The following SLC2A13 variants were observed in gnomAD, a reference collection of about 807,000 sequenced individuals.
SLC2A13 encodes the protein solute carrier family 2 member 13, also known as proton myo-inositol cotransporter.
SLC2A13 carries 32 observed loss-of-function variants against 64.4 expected under a neutral mutation model. The ratio of observed to expected loss-of-function variants is 0.50; its 90% confidence interval spans 0.37 to 0.67. The LOEUF is 0.67. SLC2A13 is among the 30% of genes least tolerant of loss of function. SLC2A13 has a pLI of 0.00. For missense variants in SLC2A13, 743 were observed against 829.2 expected (o/e 0.90, Z 1.28); for synonymous variants, 338 against 327.1 (o/e 1.03, Z -0.36).
intron 4 of SLC2A13, among the ~76,000 whole-genome samples, chr12:39,872,270 G>A (rs1944077319): frequency 6.6e-6 from 1 of 152,166 alleles, no homozygotes. Flanking sequence ...CACTAAAACT[G>A]TATCACTTTA....
rs369705368 is a variant in SLC2A13 at position 39,795,733 on chromosome 12, CAT to C, written c.1446-30877_1446-30876del. ...CTAGAAGTTTTATGGGCACGGGAAA[CAT>C]AAAGTCAGGCCACATAAGGGCTGAC... is the stretch of plus-strand genomic sequence containing the variant. On this transcript the variant is annotated intron_variant, in intron 7 of 9. Transcript: ENST00000280871. 2.2e-3 allele frequency among the ~76,000 whole-genome samples: 336 copies of C among 152,280 alleles called. 1 individual carries two copies. The highest frequency in any genetic ancestry group is 7.7e-3 in the African/African-American group (320 of 41,552).
chr12:40,038,345 CA>C (rs1416287868), intron 2 of SLC2A13, among the ~76,000 whole-genome samples: 4 of 152,138 alleles, frequency 2.6e-5, no homozygotes, highest in Non-Finnish European at 5.9e-5. Context: ...CTGCTGTGGT[CA>C]GGGGGCATAT....
At chr12:39,813,367 G>A (rs1269977902) in intron 7 of SLC2A13, among the ~76,000 whole-genome samples, 1 of 151,898 alleles carries the variant, frequency 6.6e-6, no homozygotes, top group Non-Finnish European at 1.5e-5. Context: ...TTAACCGGAT[G>A]TACCCATAAC....
intron 1 of SLC2A13, among the ~76,000 whole-genome samples, chr12:40,103,144 G>A (rs1348407941): frequency 6.6e-6 from 1 of 152,194 alleles, no homozygotes; most frequent in Non-Finnish European, 1.5e-5. Context: ...GCAAGACAGA[G>A]AGGCCTCCAC....
chr12:39,846,458 T>C (rs1943317268), intron 6 of SLC2A13, among the ~76,000 whole-genome samples: 1 of 152,170 alleles, frequency 6.6e-6, no homozygotes, highest in East Asian at 1.9e-4. Flanking sequence ...CTTAACTTCT[T>C]CATTTTTATT....
In SLC2A13 at chr12:39,951,638, C is replaced by T. The variant is rs146608655; in HGVS notation, c.926-273G>A. 3.3e-5 allele frequency among the ~76,000 whole-genome samples: 5 copies of T among 152,274 alleles called. No homozygotes were observed. The East Asian group carries it at 9.6e-4, about 29-fold the overall frequency. On this transcript the variant is annotated intron_variant, in intron 3 of 9. Coordinates refer to ENST00000280871, the MANE Select transcript of SLC2A13 (RefSeq NM_052885.4). ...TATGGGTACTAGAAGACCTATATAA[C>T]TAAAACTGTCAAATTAGTCTTCCTT...
In SLC2A13 at chr12:40,105,601, G is replaced by C; in HGVS notation, c.208C>G (p.Arg70Gly). Reference protein sequence around the residue: ...GVGDLERAARRQFQQDETPAF... With the variant: ...GVGDLERAARGQFQQDETPAF... ...GGGGTCTCGTCCTGCTGGAACTGCCGCCGCGCCGCGCGCTCCAGGTCCCCG... is the reference window on the plus strand; with the variant it reads ...GGGGTCTCGTCCTGCTGGAACTGCCCCCGCGCCGCGCGCTCCAGGTCCCCG... Residue 70 changes from arginine to glycine, a missense_variant, in exon 1 of 10, where the codon CGG (arginine) becomes GGG (glycine). Arg to Gly is a moderately radical substitution (Grantham distance 125). Coordinates refer to ENST00000280871, the MANE Select transcript of SLC2A13 (RefSeq NM_052885.4). The surrounding 1 kb of genome is among the most constrained non-coding windows in gnomAD (Gnocchi z 4.2). 6.6e-7 allele frequency: 1 copy of C among 1,523,298 alleles called. No individual in the cohort carries two copies. Among genetic ancestry groups the C allele is most frequent in the African/African-American group, 1.4e-5 (1 of 69,480 alleles). The allele number at this position is 1,523,298 out of a possible 1,614,324, so 94.4% of individuals were successfully genotyped here.
chr12:39,982,418 C>G (rs934605836), intron 3 of SLC2A13, among the ~76,000 whole-genome samples: 11 of 149,176 alleles, frequency 7.4e-5, no homozygotes, highest in Non-Finnish European at 1.6e-4. Flanking sequence ...GATTGTTTAC[C>G]TAGAAAACCC....
At chr12:39,832,227 GAC>G in intron 6 of SLC2A13, among the ~76,000 whole-genome samples, 1 of 152,090 alleles carries the variant, frequency 6.6e-6, no homozygotes, top group Non-Finnish European at 1.5e-5. Context: ...TTGAGAACCA[GAC>G]TAGGCTAATT....
intron 6 of SLC2A13, among the ~76,000 whole-genome samples, chr12:39,854,212 G>C (rs1173549443): frequency 6.6e-6 from 1 of 151,982 alleles, no homozygotes; most frequent in Non-Finnish European, 1.5e-5. Context: ...TAATCCGTCT[G>C]ATCCTTAGTT....
intron 7 of SLC2A13, among the ~76,000 whole-genome samples, chr12:39,798,840 A>G (rs1941671585): frequency 6.6e-6 from 1 of 152,036 alleles, no homozygotes; most frequent in African/African-American, 2.4e-5. Context: ...AATGATGTAT[A>G]AACATATGTT....
At chr12:40,097,931 A>C (rs887006489) in intron 1 of SLC2A13, among the ~76,000 whole-genome samples, 2 of 152,140 alleles carry the variant, frequency 1.3e-5, no homozygotes. Flanking sequence ...TCCCATCTTC[A>C]TTGCAGCATT....
intron 7 of SLC2A13, among the ~76,000 whole-genome samples, chr12:39,792,583 C>T (rs1304725936): frequency 6.6e-6 from 1 of 152,126 alleles, no homozygotes; most frequent in Non-Finnish European, 1.5e-5. Flanking sequence ...GGTGTGTATA[C>T]AGTCACCTTC....
rs149523548 is a variant in SLC2A13 at position 39,840,606 on chromosome 12, C to T, written c.1320-10378G>A. Reference sequence around the variant, plus strand: ...GTTTTCTCTGGATGTTACTTTCCACCTTATCTTTCCTATACTTCCTTTGCT... The same window carrying T: ...GTTTTCTCTGGATGTTACTTTCCACTTTATCTTTCCTATACTTCCTTTGCT... On this transcript the variant is annotated intron_variant, in intron 6 of 9. Transcript: ENST00000280871. Among the ~76,000 whole-genome samples the T allele has an allele frequency of 4.2e-3, 637 of 152,070 alleles. 3 individuals are homozygous for T. The highest frequency in any genetic ancestry group is 0.014 in the African/African-American group (598 of 41,496).
chr12:39,996,317 T>C (rs1396337523), intron 3 of SLC2A13, among the ~76,000 whole-genome samples: 4 of 152,180 alleles, frequency 2.6e-5, no homozygotes, highest in Non-Finnish European at 5.9e-5. Context: ...AAGAGGTGAC[T>C]TGGGTGCTGT....
intron 6 of SLC2A13, among the ~76,000 whole-genome samples, chr12:39,855,159 C>T (rs918727453): frequency 1.3e-5 from 2 of 152,134 alleles, no homozygotes; most frequent in African/African-American, 2.4e-5. Context: ...TGGTATTAGA[C>T]TTGCGGCTAT....
chr12:39,812,888 G>A (rs375860573), intron 7 of SLC2A13, among the ~76,000 whole-genome samples: 3 of 145,858 alleles, frequency 2.1e-5, no homozygotes, highest in African/African-American at 7.7e-5. Flanking sequence ...AGGCTGGAGT[G>A]TAATGGTGTG....
chr12:39,854,802 A>G (rs1943563189), intron 6 of SLC2A13, among the ~76,000 whole-genome samples: 1 of 152,094 alleles, frequency 6.6e-6, no homozygotes. Context: ...ATCAAGCTTT[A>G]TAATTTTCTT....
chr12:39,845,626 G>A (rs568995224), intron 6 of SLC2A13, among the ~76,000 whole-genome samples: 1 of 152,108 alleles, frequency 6.6e-6, no homozygotes, highest in Non-Finnish European at 1.5e-5. Flanking sequence ...ATGACATTTG[G>A]TTGGAAGTTG....
Sources: gnomAD v4.1 joint callset for allele counts (sites outside exome capture counted in the v4.1 genomes callset) on GRCh38, gnomAD v4.1.1 for gene constraint, Gnocchi (gnomAD v3.1) non-coding constraint, MANE v1.5 for transcripts, NCBI Gene and HGNC (gene_info 2026-07-23, HGNC 2026-07-21) for gene names.